RALGAPA1: variants seen among roughly 807,000 people sequenced by gnomAD.
RALGAPA1 encodes the protein Ral GTPase activating protein catalytic subunit alpha 1.
RALGAPA1 carries 52 observed loss-of-function variants against 269.6 expected under a neutral mutation model. That is an observed-to-expected ratio of 0.19 (90% confidence interval 0.15 to 0.24). RALGAPA1 has a LOEUF of 0.24. Ranked by LOEUF, RALGAPA1 falls within the 10% of genes least tolerant of loss-of-function variation. The pLI is 1.00. For missense variants in RALGAPA1, 1,917 were observed against 3,013.9 expected (o/e 0.64, Z 8.52); for synonymous variants, 817 against 1,008.3 (o/e 0.81, Z 3.60).
At chr14:35,752,282 A>G (rs2072785743) in intron 7 of RALGAPA1, 120 bp from the exon 8 acceptor site, 1 of 1,101,064 alleles carries the variant, frequency 9.1e-7, no homozygotes, top group Non-Finnish European at 1.2e-6. Context: ...AACACTAAAG[A>G]TCATGATACA....
chr14:35,626,936 G>C (rs917569148), intron 34 of RALGAPA1, among the ~76,000 whole-genome samples, 154 bp downstream of exon 34: 1 of 150,284 alleles, frequency 6.7e-6, no homozygotes, highest in Non-Finnish European at 1.5e-5. Flanking sequence ...ATATAACTCA[G>C]TGGTCTCAAA....
At chr14:35,661,627 T>C (rs1202672585) in intron 27 of RALGAPA1, among the ~76,000 whole-genome samples, 1 of 152,144 alleles carries the variant, frequency 6.6e-6, no homozygotes, top group African/African-American at 2.4e-5. Context: ...ATTTTGTTCA[T>C]TGGTTTAAAA....
At chr14:35,580,394 G>A (rs74663506) in intron 37 of RALGAPA1, among the ~76,000 whole-genome samples, 2,937 of 152,254 alleles carry the variant, frequency 0.019, 32 homozygotes, top group Middle Eastern at 0.054. Flanking sequence ...CAGTTAAGTG[G>A]AAATTATTTT....
At chr14:35,757,187 T>C (rs568133876) in intron 6 of RALGAPA1, among the ~76,000 whole-genome samples, 50 of 151,342 alleles carry the variant, frequency 3.3e-4, no homozygotes, top group Non-Finnish European at 6.0e-4. Flanking sequence ...AATGGCACGA[T>C]CTCGGCTCAC....
intron 41 of RALGAPA1, among the ~76,000 whole-genome samples, chr14:35,546,404 C>T (rs2054460151): frequency 6.6e-6 from 1 of 151,728 alleles, no homozygotes; most frequent in Non-Finnish European, 1.5e-5. Flanking sequence ...CACATGTATA[C>T]ATATGTAACT....
At chr14:35,693,423 G>A (rs2066654096) in intron 17 of RALGAPA1, among the ~76,000 whole-genome samples, 1 of 151,544 alleles carries the variant, frequency 6.6e-6, no homozygotes, top group Admixed American at 6.6e-5. Flanking sequence ...ATTTAATTAT[G>A]CTTCTTATAT....
chr14:35,797,404 G>A (rs2076654372), intron 1 of RALGAPA1, among the ~76,000 whole-genome samples: 1 of 142,446 alleles, frequency 7.0e-6, no homozygotes, highest in Non-Finnish European at 1.5e-5. Context: ...ACAAACAAAA[G>A]CATAAAGAAT....
Position 35,624,399 on chromosome 14 carries a change from T to C in RALGAPA1, c.6929+962A>G, listed in dbSNP as rs560588035. ...TCCATAAATTTGGTAGTAAAAGGAA[T>C]GAGAGATCTGGATAGGACTATAGCT... On this transcript the variant is annotated intron_variant, in intron 35 of 41. Transcript: ENST00000680220. Among the ~76,000 whole-genome samples the C allele has an allele frequency of 1.2e-4, 19 of 152,160 alleles. No homozygotes were observed. In the East Asian group the frequency reaches 2.7e-3, roughly 22 times the overall value.
intron 26 of RALGAPA1, among the ~76,000 whole-genome samples, chr14:35,670,638 C>G (rs1394612408): frequency 6.6e-6 from 1 of 152,078 alleles, no homozygotes; most frequent in Non-Finnish European, 1.5e-5. Flanking sequence ...TGAGAGTTTA[C>G]TCCTGGCTGG....
At chr14:35,737,118 A>G (rs758735586) in intron 12 of RALGAPA1, among the ~76,000 whole-genome samples, 1 of 152,196 alleles carries the variant, frequency 6.6e-6, no homozygotes, top group Non-Finnish European at 1.5e-5. Context: ...AATAATGGAA[A>G]AGCATATGAA....
chr14:35,588,960 C>T (rs898009664), intron 37 of RALGAPA1, among the ~76,000 whole-genome samples: 1 of 152,076 alleles, frequency 6.6e-6, no homozygotes, highest in African/African-American at 2.4e-5. Flanking sequence ...TATAAAAACA[C>T]GGATTAACCT....
chr14:35,777,551 T>C (rs2075127395), intron 1 of RALGAPA1, among the ~76,000 whole-genome samples: 1 of 152,166 alleles, frequency 6.6e-6, no homozygotes, highest in Admixed American at 6.6e-5. Context: ...CAATACAAAA[T>C]AGAATTTTTT....
At chr14:35,794,509 T>A (rs2076415933) in intron 1 of RALGAPA1, among the ~76,000 whole-genome samples, 1 of 152,174 alleles carries the variant, frequency 6.6e-6, no homozygotes, top group Non-Finnish European at 1.5e-5. Context: ...CAGGCTGGAG[T>A]GCAGTGGCGC....
At chr14:35,718,849 T>TG (rs199851851) in intron 16 of RALGAPA1, among the ~76,000 whole-genome samples, 3,287 of 151,870 alleles carry the variant, frequency 0.022, 123 homozygotes, top group African/African-American at 0.075. Flanking sequence ...GATTTTTTTT[T>TG]TTTTTTTGGA....
chr14:35,743,146 G>C (rs997172862), intron 10 of RALGAPA1, among the ~76,000 whole-genome samples: 1 of 151,728 alleles, frequency 6.6e-6, no homozygotes, highest in Non-Finnish European at 1.5e-5. Context: ...ACTCCACACA[G>C]ACAGTGGCCC....
chr14:35,571,231 GACTC>G (rs2057163011), intron 38 of RALGAPA1, among the ~76,000 whole-genome samples: 1 of 152,102 alleles, frequency 6.6e-6, no homozygotes, highest in Non-Finnish European at 1.5e-5. Flanking sequence ...TTTTTGAGGT[GACTC>G]ACTCATGGTT....
At chr14:35,709,942 A>G (rs1327401047) in intron 16 of RALGAPA1, among the ~76,000 whole-genome samples, 1 of 152,230 alleles carries the variant, frequency 6.6e-6, no homozygotes, top group Non-Finnish European at 1.5e-5. Flanking sequence ...GGCATGTTTT[A>G]TGACCCAGAA....
intron 37 of RALGAPA1, among the ~76,000 whole-genome samples, chr14:35,580,490 G>A (rs2057885259): frequency 6.6e-6 from 1 of 152,132 alleles, no homozygotes; most frequent in Non-Finnish European, 1.5e-5. Flanking sequence ...ATTTTTATAT[G>A]GTGGTGCAAC....
At chr14:35,707,786 G>A (rs906945921) in intron 16 of RALGAPA1, among the ~76,000 whole-genome samples, 1 of 152,098 alleles carries the variant, frequency 6.6e-6, no homozygotes, top group African/African-American at 2.4e-5. Context: ...TACATACCAG[G>A]CTGTTCAGAT....
Sources: gnomAD v4.1 joint callset for allele counts (sites outside exome capture counted in the v4.1 genomes callset) on GRCh38, gnomAD v4.1.1 for gene constraint, MANE v1.5 for transcripts, NCBI Gene and HGNC (gene_info 2026-07-23, HGNC 2026-07-21) for gene names.